The following ADRA1A variants were observed in gnomAD, a reference collection of about 807,000 sequenced individuals.
The protein encoded by ADRA1A is alpha-1A adrenergic receptor.
In ADRA1A, 31 loss-of-function variants were observed where a neutral mutation model predicts 29.6. The observed-to-expected ratio is 1.05, with a 90% CI of 0.79 to 1.41. The LOEUF (loss-of-function observed/expected upper bound fraction) is 1.41. Among genes scored for constraint, ADRA1A ranks in the 40% most tolerant of loss-of-function variants. The pLI, the probability that ADRA1A is intolerant of heterozygous loss-of-function variation, is 0.00. For synonymous variants in ADRA1A, 311 were observed against 254.3 expected, an observed-to-expected ratio of 1.22 and a Z score of -2.12; for missense variants, 619 against 601.1, an observed-to-expected ratio of 1.03 and a Z score of -0.31.
intron 2 of ADRA1A, among the ~76,000 whole-genome samples, chr8:26,795,606 A>G (rs1046440493): frequency 6.6e-6 from 1 of 152,132 alleles, no homozygotes; most frequent in African/African-American, 2.4e-5. Flanking sequence ...ACAAATTAAT[A>G]AATTTAGGCA....
chr8:26,769,204 G>T lies in ADRA1A; in HGVS notation c.*945C>A. Reference sequence around the variant, plus strand: ...TAACAGAGTTCTGGAACAGGTAAGTGATTTGTCAAGAAAGGCTTTTGTAAG... The same window carrying T: ...TAACAGAGTTCTGGAACAGGTAAGTTATTTGTCAAGAAAGGCTTTTGTAAG... On this transcript the variant is annotated 3_prime_UTR_variant, in exon 3 of 3. Coordinates refer to ENST00000380573, the MANE Select transcript of ADRA1A (RefSeq NM_000680.4). 1 of 985,368 alleles carries T rather than the reference G, an allele frequency of 1.0e-6. No homozygotes were observed. The highest frequency in any genetic ancestry group is 1.2e-6 in the Non-Finnish European group (1 of 829,876). The allele number at this position is 985,368 out of a possible 1,614,324, so 61.0% of individuals were successfully genotyped here. A position where few individuals can be genotyped will look rare whatever the true frequency, so the allele number is the denominator to read the frequency against.
chr8:26,801,062 T>C (rs751473241), intron 2 of ADRA1A, among the ~76,000 whole-genome samples: 13 of 152,182 alleles, frequency 8.5e-5, no homozygotes, highest in Non-Finnish European at 1.3e-4. Context: ...AAAAAGCATT[T>C]GATAAAATTC....
chr8:26,835,268 T>C (rs1291019292), intron 2 of ADRA1A, among the ~76,000 whole-genome samples: 1 of 152,228 alleles, frequency 6.6e-6, no homozygotes, highest in Non-Finnish European at 1.5e-5. Context: ...CTTTTTGTAG[T>C]GTGCAAATTC....
At chr8:26,794,007 C>T (rs1360289871) in intron 2 of ADRA1A, among the ~76,000 whole-genome samples, 1 of 151,962 alleles carries the variant, frequency 6.6e-6, no homozygotes, top group Non-Finnish European at 1.5e-5. Context: ...ACAAAACAAA[C>T]AATCCCACAG....
At chr8:26,765,294 G>T (rs575417529), downstream of ADRA1A, among the ~76,000 whole-genome samples, 13 of 152,344 alleles carry the variant, frequency 8.5e-5, no homozygotes, top group East Asian at 2.1e-3. Flanking sequence ...GGTCTGGGGA[G>T]CGTGAATGAG....
intron 2 of ADRA1A, among the ~76,000 whole-genome samples, chr8:26,829,705 T>C (rs1398613272): frequency 6.6e-6 from 1 of 152,062 alleles, no homozygotes; most frequent in Non-Finnish European, 1.5e-5. Flanking sequence ...ACTCCCTGTA[T>C]TTGGAGTTTA....
At chr8:26,756,163 A>G (rs1156655971), downstream of ADRA1A, among the ~76,000 whole-genome samples, 1 of 152,218 alleles carries the variant, frequency 6.6e-6, no homozygotes, top group African/African-American at 2.4e-5. Context: ...ATCACATCCA[A>G]CAAAATTTAA....
At chr8:26,770,811 C>T in intron 2 of ADRA1A, 145 bp from the exon 3 acceptor site, 1 of 1,211,288 alleles carries the variant, frequency 8.3e-7, no homozygotes, top group Non-Finnish European at 1.1e-6. Flanking sequence ...ATTTGACTGA[C>T]TAGCTCCTAT....
chr8:26,769,114 A>G lies in ADRA1A; in HGVS notation c.*1035T>C, dbSNP rs1025799600. 2.0e-5 allele frequency: 20 copies of G among 985,318 alleles called. No homozygotes were observed. In the African/African-American group the frequency reaches 3.3e-4, roughly 16 times the overall value. 61.0% of individuals were successfully genotyped at this position (985,318 alleles called of 1,614,324 possible). A position where few individuals can be genotyped will look rare whatever the true frequency, so the allele number is the denominator to read the frequency against. On this transcript the variant is annotated 3_prime_UTR_variant, in exon 3 of 3. Coordinates refer to ENST00000380573, the MANE Select transcript of ADRA1A (RefSeq NM_000680.4). ...AAGCTCATTCATTATGCAATAGTGA[A>G]GCAGATAAGAAGTAATGGGAGACAA...
intron 2 of ADRA1A, among the ~76,000 whole-genome samples, chr8:26,800,105 A>G (rs1438474749): frequency 6.6e-6 from 1 of 152,132 alleles, no homozygotes; most frequent in Non-Finnish European, 1.5e-5. Context: ...CTAAAAATAC[A>G]AAACTTAGCC....
At chr8:26,851,193 G>T (rs1812602743) in intron 2 of ADRA1A, among the ~76,000 whole-genome samples, 1 of 152,170 alleles carries the variant, frequency 6.6e-6, no homozygotes, top group African/African-American at 2.4e-5. Context: ...AAAAGATAGA[G>T]GTTTTAAAGA....
chr8:26,811,227 C>T (rs1397011348), intron 2 of ADRA1A, among the ~76,000 whole-genome samples: 1 of 149,426 alleles, frequency 6.7e-6, no homozygotes, highest in Non-Finnish European at 1.5e-5. Context: ...GAGTCTCGCT[C>T]TGTCGCACAG....
In ADRA1A at chr8:26,866,038, G is replaced by C. The variant is rs1009192460; in HGVS notation, c.-686-383C>G. On this transcript the variant is annotated intron_variant, in intron 1 of 2. Coordinates refer to ENST00000380573, the MANE Select transcript of ADRA1A (RefSeq NM_000680.4). The surrounding 1 kb of genome is among the most constrained non-coding windows in gnomAD (Gnocchi z 5.7). ...CGAGTGTGTCGCACGGATCCTAGCC[G>C]GGGAATTCTGGAGGATGTACTCGGT... Among the ~76,000 whole-genome samples the C allele has an allele frequency of 6.6e-6, 1 of 152,316 alleles. No homozygotes were observed. The highest frequency in any genetic ancestry group is 1.9e-4 in the East Asian group (1 of 5,172).
rs914634816 is a variant in ADRA1A, at chr8:26,864,289, C to T, written c.681G>A (p.Ser227=). The change falls in exon 2 of 3, where the codon TCG becomes TCA. Residue 227 remains serine, a synonymous_variant. Transcript: ENST00000380573. This position sits in a 1 kb window ranked among gnomAD's most constrained non-coding sequence, Gnocchi z 8.1. ...GLKSGLKTDK[S]DSEQVTLRIH... ...TGCGGAGCGTCACTTGCTCCGAGTC[C>T]GACTTGTCGGTCTTGAGGCCAGACT... 2 of 1,614,086 alleles carry T rather than the reference C, an allele frequency of 1.2e-6. No homozygotes were observed. Among genetic ancestry groups the T allele is most frequent in the African/African-American group, 1.3e-5 (1 of 75,042 alleles).
rs949803356 is a variant in ADRA1A at position 26,805,789 on chromosome 8, G to A, written c.884-35123C>T. Among the ~76,000 whole-genome samples, 1 of 152,150 alleles carries A rather than the reference G, an allele frequency of 6.6e-6. No individual in the cohort carries two copies. Among genetic ancestry groups the A allele is most frequent in the African/African-American group, 2.4e-5 (1 of 41,422 alleles). ...CCAAGAGTTACTGGAACTTCAGTAAGCTCATTACTTGAACACATTTATTTT... is the reference window on the plus strand; with the variant it reads ...CCAAGAGTTACTGGAACTTCAGTAAACTCATTACTTGAACACATTTATTTT... On this transcript the variant is annotated intron_variant, in intron 2 of 2. Coordinates refer to ENST00000380573, the MANE Select transcript of ADRA1A (RefSeq NM_000680.4). The surrounding 1 kb of genome is among the most constrained non-coding windows in gnomAD (Gnocchi z 4.8).
rs1309106253 is a variant in ADRA1A at position 26,770,060 on chromosome 8, GTC to G, written c.*87_*88del. ...GCAGGTCCCCTCTTTGATTGGTCCTGTCTTGTCCTCCAAGAAGAGCTGGCCTT... is the reference window on the plus strand; with the variant it reads ...GCAGGTCCCCTCTTTGATTGGTCCTGTTGTCCTCCAAGAAGAGCTGGCCTT... On this transcript the variant is annotated 3_prime_UTR_variant, in exon 3 of 3. Transcript: ENST00000380573. 1 of 1,511,058 alleles carries G rather than the reference GTC, an allele frequency of 6.6e-7. No individual in the cohort carries two copies. The highest frequency in any genetic ancestry group is 8.8e-7 in the Non-Finnish European group (1 of 1,132,546). The allele number at this position is 1,511,058 out of a possible 1,614,324, so 93.6% of individuals were successfully genotyped here.
At chr8:26,847,891 G>T (rs924617183) in intron 2 of ADRA1A, among the ~76,000 whole-genome samples, 1 of 152,188 alleles carries the variant, frequency 6.6e-6, no homozygotes, top group Admixed American at 6.5e-5. Context: ...CAGGACGCAG[G>T]GTTCCCTGGC....
At chr8:26,783,105 T>C (rs2130367666) in intron 2 of ADRA1A, among the ~76,000 whole-genome samples, 1 of 152,344 alleles carries the variant, frequency 6.6e-6, no homozygotes, top group East Asian at 1.9e-4. Context: ...AACCCATTTC[T>C]CACACTCTTG....
downstream of ADRA1A, among the ~76,000 whole-genome samples, chr8:26,760,948 C>T (rs570846235): frequency 3.9e-5 from 6 of 152,300 alleles, no homozygotes; most frequent in East Asian, 9.7e-4. Context: ...GGGGACTGGC[C>T]TCCCAGCTGC....
Sources: allele counts gnomAD v4.1 joint callset (sites outside exome capture counted in the v4.1 genomes callset), GRCh38; gene constraint gnomAD v4.1.1; non-coding constraint Gnocchi (gnomAD v3.1); transcripts MANE v1.5; gene names NCBI Gene and HGNC (gene_info 2026-07-23, HGNC 2026-07-21).